The following MFN1 variants were observed in gnomAD, a reference collection of about 807,000 sequenced individuals.
The protein encoded by MFN1 is mitofusin 1, also known as mitofusin-1.
In MFN1, 65 loss-of-function variants were observed where a neutral mutation model predicts 92.4. That is an observed-to-expected ratio of 0.70 (90% CI 0.58 to 0.86). The LOEUF (loss-of-function observed/expected upper bound fraction) is 0.86. Ranked by LOEUF, MFN1 falls within the 40% of genes least tolerant of loss-of-function variation. The probability of loss-of-function intolerance (pLI) is 0.00; values close to 1 mark genes in which losing one functional copy is unlikely to be tolerated. For missense variants in MFN1, 781 were observed against 868.0 expected, an observed-to-expected ratio of 0.90 and a Z score of 1.26; for synonymous variants, 297 against 300.9, an observed-to-expected ratio of 0.99 and a Z score of 0.13.
intron 14 of MFN1, among the ~76,000 whole-genome samples, chr3:179,383,867 A>T (rs1167846127): frequency 1.3e-5 from 2 of 152,216 alleles, no homozygotes; most frequent in African/African-American, 2.4e-5. Flanking sequence ...GAAAAACTTT[A>T]AAAAATTTAT....
intron 3 of MFN1, 53 bp downstream of exon 3, chr3:179,352,088 C>G (rs1712172472): frequency 6.6e-7 from 1 of 1,515,502 alleles, no homozygotes; most frequent in Non-Finnish European, 9.0e-7. Flanking sequence ...AGCTTTGTGT[C>G]TGATGTTTCA....
At chr3:179,358,786 A>C in intron 3 of MFN1, 54 bp from the exon 4 acceptor site, 1 of 1,544,412 alleles carries the variant, frequency 6.5e-7, no homozygotes, top group South Asian at 1.2e-5. Flanking sequence ...CCAGTGAAAG[A>C]ACTACTTTTT....
chr3:179,387,613 T>A (rs935520475), intron 16 of MFN1, among the ~76,000 whole-genome samples: 8 of 100,414 alleles, frequency 8.0e-5, no homozygotes, highest in African/African-American at 3.7e-4. Context: ...TTTTTTTTTT[T>A]CTGAGATGGA....
At chr3:179,380,313 C>A (rs943382703) in intron 14 of MFN1, among the ~76,000 whole-genome samples, 2 of 152,176 alleles carry the variant, frequency 1.3e-5, no homozygotes, top group Non-Finnish European at 2.9e-5. Context: ...ACAGCCCCTA[C>A]AAGAATAAAG....
intron 6 of MFN1, among the ~76,000 whole-genome samples, 186 bp downstream of exon 6, chr3:179,364,591 TC>T (rs940899876): frequency 1.3e-5 from 2 of 152,186 alleles, no homozygotes; most frequent in Non-Finnish European, 2.9e-5. Flanking sequence ...AGTGTGTAGT[TC>T]CCTGGATTTC....
chr3:179,392,158 C>T lies in MFN1; in HGVS notation c.*99C>T, dbSNP rs112631937. 5 of 733,766 alleles carry T rather than the reference C, an allele frequency of 6.8e-6. No individual in the cohort carries two copies. The highest frequency in any genetic ancestry group is 1.8e-5 in the African/African-American group (1 of 56,356). 45.5% of individuals were successfully genotyped at this position (733,766 alleles called of 1,614,324 possible). On this transcript the variant is annotated 3_prime_UTR_variant, in exon 18 of 18. Coordinates refer to ENST00000471841, the MANE Select transcript of MFN1 (RefSeq NM_033540.3). ...GAAATTACTTTAAATATGAATTGTACTAACTGTACCTAAATAGCAAAGCCC... is the reference window on the plus strand; with the variant it reads ...GAAATTACTTTAAATATGAATTGTATTAACTGTACCTAAATAGCAAAGCCC...
chr3:179,386,732 A>T, intron 16 of MFN1, 103 bp downstream of exon 16: 1 of 1,097,232 alleles, frequency 9.1e-7, no homozygotes, highest in Non-Finnish European at 1.3e-6. Context: ...AATTATCACA[A>T]AATGAACATG....
At chr3:179,387,204 A>G (rs550023358) in intron 16 of MFN1, among the ~76,000 whole-genome samples, 2 of 152,168 alleles carry the variant, frequency 1.3e-5, no homozygotes, top group African/African-American at 4.8e-5. Context: ...GATTATAGGC[A>G]TGAGCCACCA....
At chr3:179,376,877 A>G (rs1713259476) in intron 10 of MFN1, 165 bp from the exon 11 acceptor site, 1 of 562,682 alleles carries the variant, frequency 1.8e-6, no homozygotes, top group African/African-American at 2.0e-5. Context: ...ATCTATATAA[A>G]ATACTTTATA....
chr3:179,376,473 C>T (rs1206562102), intron 10 of MFN1, among the ~76,000 whole-genome samples: 1 of 152,088 alleles, frequency 6.6e-6, no homozygotes, highest in East Asian at 1.9e-4. Flanking sequence ...AGTAAAAGAT[C>T]TTCTTAAATG....
intron 6 of MFN1, 97 bp from the exon 7 acceptor site, chr3:179,365,021 T>A: frequency 1.6e-6 from 1 of 612,858 alleles, no homozygotes; most frequent in Non-Finnish European, 2.7e-6. Context: ...TGGTGTTAAT[T>A]ACTGTTTAAA....
Position 179,362,452 on chromosome 3 carries a change from T to C in MFN1, c.506T>C (p.Leu169Pro), listed in dbSNP as rs1284924771. 1 of 1,613,788 alleles carries C rather than the reference T, an allele frequency of 6.2e-7. No individual in the cohort carries two copies. Among genetic ancestry groups the C allele is most frequent in the East Asian group, 2.2e-5 (1 of 44,872 alleles). Residue 169 changes from leucine to proline, a missense_variant, in exon 5 of 18, where the codon CTC (leucine) becomes CCC (proline). By Grantham distance (98) the Leu-to-Pro change is moderately conservative. Coordinates refer to ENST00000471841, the MANE Select transcript of MFN1 (RefSeq NM_033540.3). Reference sequence around the variant, plus strand: ...TTTTGGCCAAAAGCAAAATGTGCCCTCTTGAGAGATGACCTGGTGTTAGTA... The same window carrying C: ...TTTTGGCCAAAAGCAAAATGTGCCCCCTTGAGAGATGACCTGGTGTTAGTA... ...RVFWPKAKCA[L>P]LRDDLVLVDS...
chr3:179,378,380 T>A lies in MFN1; in HGVS notation c.1369T>A (p.Leu457Met). Residue 457 changes from leucine to methionine, a missense_variant, in exon 13 of 18, where the codon TTG (leucine) becomes ATG (methionine). Physicochemically the swap from Leu to Met is conservative, Grantham distance 15. Transcript: ENST00000471841. ...KHIEDGMGRN[L>M]ADRCTDEVNA... The stretch of plus-strand genomic sequence containing the variant: ...CATAGAGGATGGTATGGGAAGAAAT[T>A]TGGCTGATCGATGCACCGATGAAGT... 2 of 1,605,632 alleles carry A rather than the reference T, an allele frequency of 1.2e-6. No individual in the cohort carries two copies. The highest frequency in any genetic ancestry group is 1.1e-5 in the South Asian group (1 of 88,698).
intron 4 of MFN1, 84 bp downstream of exon 4, chr3:179,359,086 T>A (rs1471308488): frequency 1.2e-5 from 16 of 1,337,466 alleles, no homozygotes; most frequent in African/African-American, 8.8e-5. Context: ...ATAAGATGTC[T>A]GCATCGCTGA....
intron 6 of MFN1, among the ~76,000 whole-genome samples, 152 bp from the exon 7 acceptor site, chr3:179,364,965 CT>C (rs1712727681): frequency 6.6e-6 from 1 of 152,086 alleles, no homozygotes; most frequent in Non-Finnish European, 1.5e-5. Flanking sequence ...TTTTTTTCAT[CT>C]TTGAAAGTTT....
At chr3:179,368,517 A>T (rs1160191272) in intron 9 of MFN1, among the ~76,000 whole-genome samples, 2 of 152,242 alleles carry the variant, frequency 1.3e-5, no homozygotes, top group African/African-American at 2.4e-5. Context: ...TATACAAAAC[A>T]TGATTAATGC....
chr3:179,355,706 C>T (rs562611313), intron 3 of MFN1, among the ~76,000 whole-genome samples: 65 of 151,878 alleles, frequency 4.3e-4, no homozygotes, highest in African/African-American at 1.6e-3. Flanking sequence ...AATCCCAGCA[C>T]TTTGGGAGGC....
In MFN1 at chr3:179,385,551, TC is replaced by T; in HGVS notation, c.1663-17del. The T allele has an allele frequency of 6.8e-7, 1 of 1,462,300 alleles. No individual in the cohort carries two copies. 90.6% of individuals were successfully genotyped at this position (1,462,300 alleles called of 1,614,324 possible). A position where few individuals can be genotyped will look rare whatever the true frequency, so the allele number is the denominator to read the frequency against. On this transcript the variant is annotated splice_polypyrimidine_tract_variant and intron_variant, in intron 14 of 17. Coordinates refer to ENST00000471841, the MANE Select transcript of MFN1 (RefSeq NM_033540.3). ...TGTTTAAGTGTAATCTTTTTTCCTT[TC>T]TCTTTTTTTTTGGCAGCTCCCTAGA...
At chr3:179,367,615 C>T in intron 8 of MFN1, 23 bp downstream of exon 8, 2 of 1,568,938 alleles carry the variant, frequency 1.3e-6, no homozygotes, top group Non-Finnish European at 1.7e-6. Flanking sequence ...TATAGATTTC[C>T]TGTTTAAATA....
Sources: allele counts gnomAD v4.1 joint callset (sites outside exome capture counted in the v4.1 genomes callset), GRCh38; gene constraint gnomAD v4.1.1; transcripts MANE v1.5; gene names NCBI Gene and HGNC (gene_info 2026-07-23, HGNC 2026-07-21).